The following PTPRN2 variants were observed in gnomAD, a reference collection of about 807,000 sequenced individuals.
PTPRN2 encodes receptor-type tyrosine-protein phosphatase N2.
In PTPRN2, 74 loss-of-function variants were observed where a neutral mutation model predicts 118.8. The ratio of observed to expected loss-of-function variants is 0.62; its 90% CI spans 0.52 to 0.76. The LOEUF (loss-of-function observed/expected upper bound fraction) is 0.76. PTPRN2 is among the 30% of genes least tolerant of loss of function. PTPRN2 has a pLI of 0.00. For synonymous variants in PTPRN2, 641 were observed against 608.0 expected (o/e 1.05, Z -0.80); for missense variants, 1,481 against 1,394.4 (o/e 1.06, Z -0.99).
intron 12 of PTPRN2, among the ~76,000 whole-genome samples, chr7:157,866,373 CATG>C (rs1237056798): frequency 2.6e-5 from 4 of 152,132 alleles, no homozygotes; most frequent in African/African-American, 9.7e-5. Context: ...CACACATACA[CATG>C]AGCACACACA....
chr7:158,337,023 G>A (rs1364199185), intron 2 of PTPRN2, among the ~76,000 whole-genome samples: 2 of 97,272 alleles, frequency 2.1e-5, no homozygotes, highest in African/African-American at 7.2e-5. Context: ...CATAAGAGCT[G>A]TCACCCACAG....
At chr7:158,306,571 C>T (rs1801301340) in intron 3 of PTPRN2, among the ~76,000 whole-genome samples, 1 of 152,196 alleles carries the variant, frequency 6.6e-6, no homozygotes, top group Non-Finnish European at 1.5e-5. Flanking sequence ...TTGGTGGCCA[C>T]ACATGATGAA....
intron 2 of PTPRN2, among the ~76,000 whole-genome samples, chr7:158,475,114 G>A (rs1051469450): frequency 9.9e-5 from 15 of 152,132 alleles, no homozygotes; most frequent in Admixed American, 3.3e-4. Flanking sequence ...GGGGTGCTTG[G>A]GAGGCACCAG....
At chr7:158,339,801 G>A (rs1175341784) in intron 2 of PTPRN2, among the ~76,000 whole-genome samples, 2 of 97,028 alleles carry the variant, frequency 2.1e-5, no homozygotes, top group Non-Finnish European at 4.4e-5. Flanking sequence ...CATAAGAAGT[G>A]ACACCTGCAA....
chr7:158,562,976 T>C lies in PTPRN2; in HGVS notation c.112+24582A>G, dbSNP rs1827476724. On this transcript the variant is annotated intron_variant, in intron 1 of 22. Transcript: ENST00000389418. ...TGCATGGCAGAGGCCGAGAGCGGAG[T>C]GTTTCCCACAGCAAATGTTTCCTGG... is the stretch of plus-strand genomic sequence containing the variant. Among the ~76,000 whole-genome samples, 4 of 151,844 alleles carry C rather than the reference T, an allele frequency of 2.6e-5. No individual in the cohort carries two copies. The South Asian group carries it at 8.3e-4, about 32-fold the overall frequency.
chr7:158,331,045 C>A (rs71545590), intron 2 of PTPRN2, among the ~76,000 whole-genome samples: 2 of 143,026 alleles, frequency 1.4e-5, no homozygotes, highest in African/African-American at 2.6e-5. Flanking sequence ...TAAGAGGTGA[C>A]ACCTGCAGAC....
chr7:157,666,457 G>A (rs1244164826), intron 13 of PTPRN2, among the ~76,000 whole-genome samples: 2 of 151,828 alleles, frequency 1.3e-5, no homozygotes, highest in African/African-American at 4.8e-5. Flanking sequence ...ATTATAATGT[G>A]CCTCTATTCT....
rs1410842663 is a variant in PTPRN2, at chr7:158,085,784, C to A, written c.1644-4407G>T. On this transcript the variant is annotated intron_variant, in intron 10 of 22. Coordinates refer to ENST00000389418, the MANE Select transcript of PTPRN2 (RefSeq NM_002847.5). ...TCCACACCCATGACGCCCATCCACA[C>A]CCACGACGCCCATCCACACATGCCC... 2.1e-5 allele frequency among the ~76,000 whole-genome samples: 3 copies of A among 144,806 alleles called. No homozygotes were observed. The East Asian group carries it at 6.4e-4, about 31-fold the overall frequency. 95.0% of individuals were successfully genotyped at this position (144,806 alleles called of 152,430 possible).
intron 2 of PTPRN2, among the ~76,000 whole-genome samples, chr7:158,420,669 G>A (rs1815173998): frequency 6.6e-6 from 1 of 152,184 alleles, no homozygotes; most frequent in Admixed American, 6.5e-5. Flanking sequence ...ATGCAGATGA[G>A]GTCCTCCTTG....
intron 9 of PTPRN2, among the ~76,000 whole-genome samples, chr7:158,130,852 AACAC>A (rs57754559): frequency 0.036 from 5,365 of 149,420 alleles, 305 homozygotes; most frequent in African/African-American, 0.12. Flanking sequence ...ACATCTACCC[AACAC>A]ACACACTCAT....
intron 2 of PTPRN2, among the ~76,000 whole-genome samples, chr7:158,395,738 A>C (rs1486320336): frequency 0.47 from 4,748 of 10,184 alleles, 1,022 homozygotes; most frequent in South Asian, 0.62. Context: ...GGGAGAGGGG[A>C]GAGGGGCGAG....
At chr7:157,738,482 C>T (rs867923) in intron 12 of PTPRN2, among the ~76,000 whole-genome samples, 77,955 of 152,024 alleles carry the variant, frequency 0.51, 20,493 homozygotes, top group Non-Finnish European at 0.57. Flanking sequence ...GAGCCTTATC[C>T]GAGAGGTGGG....
intron 13 of PTPRN2, among the ~76,000 whole-genome samples, chr7:157,677,580 C>A (rs1390482743): frequency 1.3e-5 from 2 of 152,174 alleles, no homozygotes; most frequent in Non-Finnish European, 2.9e-5. Flanking sequence ...CAAAGGGGCA[C>A]TTTCCAGAAA....
chr7:157,887,564 TACATGGTC>T (rs1426459466), intron 12 of PTPRN2, among the ~76,000 whole-genome samples: 1 of 530 alleles, frequency 1.9e-3, no homozygotes. Context: ...CTGCTCCCAG[TACATGGTC>T]CCCCAGTGCC....
At chr7:157,659,803 G>A (rs2150751775) in intron 13 of PTPRN2, among the ~76,000 whole-genome samples, 1 of 152,116 alleles carries the variant, frequency 6.6e-6, no homozygotes, top group South Asian at 2.1e-4. Flanking sequence ...GGAGTGGAGA[G>A]GCACGATCTC....
chr7:157,940,341 C>A (rs1799972197), intron 11 of PTPRN2, among the ~76,000 whole-genome samples: 1 of 152,132 alleles, frequency 6.6e-6, no homozygotes, highest in South Asian at 2.1e-4. Flanking sequence ...TTTGTGCCAT[C>A]AAGAGGCAAA....
Position 158,134,094 on chromosome 7 carries a change from G to A in PTPRN2, c.1174-35C>T, listed in dbSNP as rs201165640. ...AGGACATTCCGTGAGGGACGTCTGC[G>A]AAAGGAATGCTGATGTGACACATGC... On this transcript the variant is annotated intron_variant, in intron 8 of 22. Coordinates refer to ENST00000389418, the MANE Select transcript of PTPRN2 (RefSeq NM_002847.5). The A allele has an allele frequency of 3.4e-5, 54 of 1,590,512 alleles. No homozygotes were observed. The East Asian group carries it at 4.0e-4, about 12-fold the overall frequency.
intron 2 of PTPRN2, among the ~76,000 whole-genome samples, chr7:158,452,545 C>T (rs1194706840): frequency 6.6e-6 from 1 of 152,144 alleles, no homozygotes. Flanking sequence ...CCCGGGCGGC[C>T]TCCTGCCACC....
chr7:158,584,637 G>T (rs935431154), intron 1 of PTPRN2, among the ~76,000 whole-genome samples: 1 of 152,170 alleles, frequency 6.6e-6, no homozygotes, highest in Non-Finnish European at 1.5e-5. Context: ...GTGGGTGATG[G>T]GAGGGCAGGA....
Sources: gnomAD v4.1 joint callset for allele counts (sites outside exome capture counted in the v4.1 genomes callset) on GRCh38, gnomAD v4.1.1 for gene constraint, MANE v1.5 for transcripts, NCBI Gene and HGNC (gene_info 2026-07-23, HGNC 2026-07-21) for gene names.